The following MTRFR variants were observed in gnomAD, a reference collection of about 807,000 sequenced individuals.
MTRFR encodes probable peptide chain release factor C12orf65, mitochondrial.
In MTRFR, 10 loss-of-function variants were observed where a neutral mutation model predicts 11.9. That is an observed-to-expected ratio of 0.84 (90% confidence interval 0.52 to 1.42). The LOEUF is 1.42. Ranked by LOEUF, MTRFR falls within the 40% of genes most tolerant of loss-of-function variation. The pLI is 0.00. For missense variants in MTRFR, 196 were observed against 197.9 expected, an observed-to-expected ratio of 0.99 and a Z score of 0.06; for synonymous variants, 77 against 79.1, an observed-to-expected ratio of 0.97 and a Z score of 0.14.
chr12:123,253,107 T>TTTTTTTTTG (rs766114484), intron 1 of MTRFR, among the ~76,000 whole-genome samples: 1,298 of 63,340 alleles, frequency 0.02, 472 homozygotes, highest in Non-Finnish European at 0.035. Flanking sequence ...TTTTTTTTTT[T>TTTTTTTTTG]GAGACACTGT....
chr12:123,253,070 A>ATTTTTTTTTTTTTTTT lies in MTRFR; in HGVS notation c.-28-555_-28-540dup, dbSNP rs71085872. On this transcript the variant is annotated intron_variant, in intron 1 of 2. Coordinates refer to ENST00000253233, the MANE Select transcript of MTRFR (RefSeq NM_152269.5). ...ATCAAATTACAGTCCGTTCCTTTGAATTTTTTTTTTTTTTTTTTTTTTTTT... is the reference window on the plus strand; with the variant it reads ...ATCAAATTACAGTCCGTTCCTTTGAATTTTTTTTTTTTTTTTTTTTTTTTTTTTTTTTTTTTTTTTT... 8.6e-5 allele frequency among the ~76,000 whole-genome samples: 3 copies of ATTTTTTTTTTTTTTTT among 34,844 alleles called. 1 individual carries two copies. Among genetic ancestry groups the ATTTTTTTTTTTTTTTT allele is most frequent in the Non-Finnish European group, 1.1e-4 (2 of 18,400 alleles). 22.9% of individuals were successfully genotyped at this position (34,844 alleles called of 152,430 possible). A position where few individuals can be genotyped will look rare whatever the true frequency, so the allele number is the denominator to read the frequency against.
Position 123,253,831 on chromosome 12 carries a change from C to T in MTRFR, c.157C>T (p.Leu53Phe). The change falls in exon 2 of 3, where the codon CTT becomes TTT. Residue 53 changes from leucine (L) to phenylalanine (F), a missense_variant. Physicochemically the swap from Leu to Phe is conservative, Grantham distance 22. Transcript: ENST00000253233. Reference sequence around the variant, plus strand: ...AGGCAAGAAGGACTACCCTGCACTGCTTTCCTTGGATGAGAATGAACTCGA... The same window carrying T: ...AGGCAAGAAGGACTACCCTGCACTGTTTTCCTTGGATGAGAATGAACTCGA... ...MAGKKDYPALLSLDENELEEQ... is the reference protein window; with the variant it reads ...MAGKKDYPALFSLDENELEEQ... 1 of 1,614,224 alleles carries T rather than the reference C, an allele frequency of 6.2e-7. No homozygotes were observed. Among genetic ancestry groups the T allele is most frequent in the South Asian group, 1.1e-5 (1 of 91,088 alleles).
intron 1 of MTRFR, among the ~76,000 whole-genome samples, chr12:123,246,217 C>T (rs141447754): frequency 0.052 from 7,843 of 151,622 alleles, 255 homozygotes; most frequent in Middle Eastern, 0.12. Flanking sequence ...CCACCACGCC[C>T]GGCTAATTTT....
intron 1 of MTRFR, chr12:123,252,377 A>C (rs1196217589): frequency 2.0e-5 from 3 of 151,510 alleles, no homozygotes; most frequent in African/African-American, 7.3e-5. Context: ...GGCTGCAGTG[A>C]GCTGTGATCG....
At position 123,256,947 on chromosome 12, in the gene MTRFR, AGAAAG is replaced by A. The variant is rs2048189025; in HGVS notation, c.422_426del (p.Arg141LysfsTer14). On this transcript the variant is annotated frameshift_variant, in exon 3 of 3. Coordinates refer to ENST00000253233, the MANE Select transcript of MTRFR (RefSeq NM_152269.5). LOFTEE classifies it high-confidence loss of function. ...AACGAGAAGCGGCGAAGAAAAAACA[AGAAAG>A]GAAAAAAAGAGCAAAGGAAACCCTG... The A allele has an allele frequency of 6.2e-7, 1 of 1,613,712 alleles. No homozygotes were observed. The highest frequency in any genetic ancestry group is 1.7e-5 in the Admixed American group (1 of 59,942).
Position 123,256,891 on chromosome 12 carries a change from A to G in MTRFR, c.361A>G (p.Asn121Asp), listed in dbSNP as rs1473803862. The G allele has an allele frequency of 6.2e-7, 1 of 1,614,038 alleles. No individual in the cohort carries two copies. Among genetic ancestry groups the G allele is most frequent in the Non-Finnish European group, 8.5e-7 (1 of 1,179,906 alleles). The change falls in exon 3 of 3, where the codon AAT becomes GAT. Residue 121 changes from asparagine to aspartate, a missense_variant. Coordinates refer to ENST00000253233, the MANE Select transcript of MTRFR (RefSeq NM_152269.5). ...ILQEKVDVFY[N>D]GENSPVHKEK... ...ACAAGAGAAAGTAGATGTTTTCTACAATGGTGAAAACAGTCCTGTTCACAA... is the reference window on the plus strand; with the variant it reads ...ACAAGAGAAAGTAGATGTTTTCTACGATGGTGAAAACAGTCCTGTTCACAA...
At chr12:123,246,492 G>A (rs2048042215) in intron 1 of MTRFR, among the ~76,000 whole-genome samples, 1 of 100,482 alleles carries the variant, frequency 1.0e-5, no homozygotes, top group Admixed American at 1.2e-4. Context: ...TTGTTCTTGT[G>A]CCCAGGCTGG....
chr12:123,239,334 C>A (rs2047894756), intron 1 of MTRFR, among the ~76,000 whole-genome samples: 1 of 152,156 alleles, frequency 6.6e-6, no homozygotes, highest in Non-Finnish European at 1.5e-5. Flanking sequence ...ATATACATTT[C>A]ATCATTTATT....
chr12:123,246,446 G>GT (rs1391026552), intron 1 of MTRFR, among the ~76,000 whole-genome samples: 25 of 151,782 alleles, frequency 1.6e-4, no homozygotes, highest in Middle Eastern at 3.4e-3. Flanking sequence ...TGTTTGTGGG[G>GT]TTTTTTTGGT....
chr12:123,254,159 A>C, intron 2 of MTRFR: 2 of 598,540 alleles, frequency 3.3e-6, no homozygotes, highest in Non-Finnish European at 5.8e-6. Flanking sequence ...ACCTCCTACA[A>C]CAGCCTGGGA....
chr12:123,253,440 G>T, intron 1 of MTRFR: 1 of 554,040 alleles, frequency 1.8e-6, no homozygotes. Flanking sequence ...TAGCTGGCAG[G>T]GCATGTCCTG....
intron 1 of MTRFR, among the ~76,000 whole-genome samples, chr12:123,234,159 C>T (rs548876152): frequency 1.3e-5 from 2 of 152,276 alleles, no homozygotes; most frequent in Admixed American, 1.3e-4. Context: ...CCATTTCATG[C>T]GCACTGTGCA....
chr12:123,233,972 T>A (rs934787975), intron 1 of MTRFR: 4 of 151,146 alleles, frequency 2.6e-5, no homozygotes, highest in African/African-American at 9.7e-5. Flanking sequence ...CGTTTTTTTT[T>A]TAATAGACGT....
chr12:123,244,375 C>T (rs1357318754), intron 1 of MTRFR, among the ~76,000 whole-genome samples: 8 of 152,038 alleles, frequency 5.3e-5, no homozygotes, highest in African/African-American at 2.4e-5. Flanking sequence ...GAGGTTGCAG[C>T]GAGCCAAGAT....
At position 123,253,809 on chromosome 12, in the gene MTRFR, CAAG is replaced by C. The variant is rs767823614; in HGVS notation, c.139_141del (p.Lys47del). 20 of 1,614,172 alleles carry C rather than the reference CAAG, an allele frequency of 1.2e-5. No individual in the cohort carries two copies. The highest frequency in any genetic ancestry group is 1.5e-5 in the Non-Finnish European group (18 of 1,180,042). ...CTGTCACTCCGGTCCAGATGGCAGG[CAAG>C]AAGGACTACCCTGCACTGCTTTCCT... On this transcript the variant is annotated inframe_deletion, in exon 2 of 3. Transcript: ENST00000253233.
At chr12:123,241,253 A>G (rs1051125102) in intron 1 of MTRFR, among the ~76,000 whole-genome samples, 6 of 151,250 alleles carry the variant, frequency 4.0e-5, no homozygotes, top group African/African-American at 9.7e-5. Context: ...CAGCCTCCCA[A>G]TATGCTGGGA....
intron 2 of MTRFR, among the ~76,000 whole-genome samples, chr12:123,256,070 AT>A (rs2048179209): frequency 6.6e-6 from 1 of 152,110 alleles, no homozygotes; most frequent in African/African-American, 2.4e-5. Context: ...CTGGCTTAAG[AT>A]TTATCTTTTA....
upstream of MTRFR, chr12:123,233,348 A>C (rs1323082300): frequency 6.6e-6 from 1 of 152,262 alleles, no homozygotes; most frequent in Non-Finnish European, 1.5e-5. Context: ...AGCCGCTGCC[A>C]CGAGGGAAAG....
intron 1 of MTRFR, among the ~76,000 whole-genome samples, chr12:123,253,096 TTTTTTTTTTTTG>T: frequency 9.2e-6 from 1 of 109,210 alleles, no homozygotes; most frequent in African/African-American, 3.0e-5. Flanking sequence ...TTTTTTTTTT[TTTTTTTTTTTTG>T]AGACACTGTC....
Sources: allele counts gnomAD v4.1 joint callset (sites outside exome capture counted in the v4.1 genomes callset), GRCh38; gene constraint gnomAD v4.1.1; transcripts MANE v1.5; gene names NCBI Gene and HGNC (gene_info 2026-07-23, HGNC 2026-07-21).